DLG2: variants seen among roughly 807,000 people sequenced by gnomAD.
The protein encoded by DLG2 is discs large MAGUK scaffold protein 2, also known as disks large homolog 2.
Under a neutral mutation model 132.5 loss-of-function variants are expected in DLG2, and 45 were observed. The ratio of observed to expected loss-of-function variants is 0.34; its 90% CI spans 0.27 to 0.44. DLG2 has a LOEUF of 0.44. Among genes scored for constraint, DLG2 ranks in the 20% least tolerant of loss-of-function variants. The pLI is 1.00. For synonymous variants in DLG2, 424 were observed against 419.6 expected (o/e 1.01, Z -0.13); for missense variants, 1,045 against 1,196.9 (o/e 0.87, Z 1.87).
rs539209316 is a variant in DLG2, at chr11:85,585,226, C to A, written c.40+13431G>T. ...GTTTCATTCTTCTACATGTGGCTTG[C>A]CGATTATCCCAGAACCATTTGTTGA... On this transcript the variant is annotated intron_variant, in intron 3 of 27. Coordinates refer to ENST00000376104, the MANE Select transcript of DLG2 (RefSeq NM_001142699.3). Among the ~76,000 whole-genome samples the A allele has an allele frequency of 2.2e-4, 33 of 152,262 alleles. 1 individual carries two copies. The highest frequency in any genetic ancestry group is 7.7e-4 in the African/African-American group (32 of 41,552).
chr11:84,003,548 C>T (rs1434614857), intron 11 of DLG2, among the ~76,000 whole-genome samples: 1 of 152,110 alleles, frequency 6.6e-6, no homozygotes, highest in Non-Finnish European at 1.5e-5. Flanking sequence ...AAGACACCTT[C>T]TTCACAAGGT....
At chr11:84,753,565 TA>T in intron 6 of DLG2, among the ~76,000 whole-genome samples, 1 of 152,342 alleles carries the variant, frequency 6.6e-6, no homozygotes, top group African/African-American at 2.4e-5. Context: ...TGAAGAATTT[TA>T]TTTTTATGTG....
chr11:83,563,703 A>G (rs1202892044), intron 19 of DLG2, among the ~76,000 whole-genome samples: 3 of 152,182 alleles, frequency 2.0e-5, no homozygotes, highest in African/African-American at 7.2e-5. Flanking sequence ...AAACATCCTT[A>G]TTTTATAGAT....
At chr11:84,176,326 TA>T (rs2095966683) in intron 8 of DLG2, among the ~76,000 whole-genome samples, 1 of 148,682 alleles carries the variant, frequency 6.7e-6, no homozygotes, top group Admixed American at 6.8e-5. Flanking sequence ...CTTATATATA[TA>T]TATATATATT....
rs964817859 is a variant in DLG2, at chr11:85,278,040, C to T, written c.186+7180G>A. Reference sequence around the variant, plus strand: ...ATTGCAATTAAGGCTCTCAAGCAGACAGCTAGAATAACCTAATCAGTCTTA... The same window carrying T: ...ATTGCAATTAAGGCTCTCAAGCAGATAGCTAGAATAACCTAATCAGTCTTA... On this transcript the variant is annotated intron_variant, in intron 4 of 27. Coordinates refer to ENST00000376104, the MANE Select transcript of DLG2 (RefSeq NM_001142699.3). Among the ~76,000 whole-genome samples the T allele has an allele frequency of 2.0e-5, 3 of 152,284 alleles. No homozygotes were observed. The East Asian group carries it at 5.8e-4, about 29-fold the overall frequency.
At chr11:83,518,529 G>A (rs1306236281) in intron 21 of DLG2, among the ~76,000 whole-genome samples, 2 of 152,068 alleles carry the variant, frequency 1.3e-5, no homozygotes, top group African/African-American at 4.8e-5. Flanking sequence ...GCTCATGCTC[G>A]GTGCACTGCA....
At chr11:83,592,221 C>T (rs2097200609) in intron 19 of DLG2, among the ~76,000 whole-genome samples, 1 of 151,112 alleles carries the variant, frequency 6.6e-6, no homozygotes, top group South Asian at 2.1e-4. Context: ...CTGGAGGCAT[C>T]ACACTACCTG....
chr11:84,985,917 G>A (rs1462389155), intron 6 of DLG2, among the ~76,000 whole-genome samples: 10 of 144,580 alleles, frequency 6.9e-5, no homozygotes, highest in African/African-American at 1.8e-4. Context: ...ACTTGAATCC[G>A]GGACACGAAG....
intron 6 of DLG2, among the ~76,000 whole-genome samples, chr11:84,991,705 T>C (rs991373690): frequency 2.0e-5 from 3 of 152,110 alleles, no homozygotes; most frequent in Non-Finnish European, 4.4e-5. Flanking sequence ...GTGCTGATAT[T>C]GTACTACAGT....
At chr11:84,802,193 T>G (rs1198601102) in intron 6 of DLG2, among the ~76,000 whole-genome samples, 1 of 151,946 alleles carries the variant, frequency 6.6e-6, no homozygotes, top group Admixed American at 6.6e-5. Context: ...GTACTAATTG[T>G]GCAATTTAAC....
intron 7 of DLG2, among the ~76,000 whole-genome samples, chr11:84,515,856 G>T (rs187710470): frequency 1.3e-4 from 19 of 151,868 alleles, no homozygotes; most frequent in Non-Finnish European, 2.2e-4. Flanking sequence ...AATCATAAAA[G>T]ATTTTAAAAG....
intron 7 of DLG2, among the ~76,000 whole-genome samples, chr11:84,455,710 G>T (rs1414103940): frequency 6.6e-6 from 1 of 151,316 alleles, no homozygotes; most frequent in Non-Finnish European, 1.5e-5. Flanking sequence ...TTTTCATTGG[G>T]CATTTAAAAA....
At chr11:84,752,953 T>G (rs1356881693) in intron 6 of DLG2, among the ~76,000 whole-genome samples, 1 of 152,078 alleles carries the variant, frequency 6.6e-6, no homozygotes, top group Non-Finnish European at 1.5e-5. Context: ...CACATTTTCT[T>G]AATCCAGTCT....
At chr11:84,193,275 C>T (rs970569044) in intron 8 of DLG2, among the ~76,000 whole-genome samples, 1 of 152,050 alleles carries the variant, frequency 6.6e-6, no homozygotes, top group Non-Finnish European at 1.5e-5. Flanking sequence ...TTCAGGGAGG[C>T]CAATTTTAAG....
chr11:85,011,994 T>C (rs1319541237), intron 6 of DLG2, among the ~76,000 whole-genome samples: 6 of 152,158 alleles, frequency 3.9e-5, no homozygotes, highest in East Asian at 1.9e-4. Flanking sequence ...AACCATAGAC[T>C]GGTCAACAAG....
chr11:83,952,121 G>A (rs2085600897), intron 14 of DLG2, among the ~76,000 whole-genome samples: 1 of 152,096 alleles, frequency 6.6e-6, no homozygotes, highest in South Asian at 2.1e-4. Flanking sequence ...AAGGGCAGGG[G>A]GATCACTTGA....
intron 6 of DLG2, among the ~76,000 whole-genome samples, chr11:84,991,872 A>T (rs2057161679): frequency 6.6e-6 from 1 of 152,202 alleles, no homozygotes; most frequent in Non-Finnish European, 1.5e-5. Context: ...GGAATCTTTC[A>T]ATAGCTTTAC....
intron 6 of DLG2, among the ~76,000 whole-genome samples, chr11:84,538,354 CT>C (rs1227279743): frequency 1.3e-5 from 2 of 152,152 alleles, no homozygotes; most frequent in African/African-American, 4.8e-5. Flanking sequence ...TCATGGAAAT[CT>C]TTTTTACCCA....
rs867380538 is a variant in DLG2 at position 85,504,216 on chromosome 11, A to G, written c.40+94441T>C. ...TGCTGTGCAGAAGCTCTTTAGTTTA[A>G]TTAGATCCCATTTGTCAATTTTGGC... is the stretch of plus-strand genomic sequence containing the variant. On this transcript the variant is annotated intron_variant, in intron 3 of 27. Transcript: ENST00000376104. Among the ~76,000 whole-genome samples the G allele has an allele frequency of 5.3e-4, 81 of 152,118 alleles. No individual in the cohort carries two copies. In the Middle Eastern group the frequency reaches 0.017, roughly 32 times the overall value.
Sources: gnomAD v4.1 joint callset for allele counts (sites outside exome capture counted in the v4.1 genomes callset) on GRCh38, gnomAD v4.1.1 for gene constraint, MANE v1.5 for transcripts, NCBI Gene and HGNC (gene_info 2026-07-23, HGNC 2026-07-21) for gene names.